Variants in GALNT13 observed in about 807,000 individuals in gnomAD.
The protein encoded by GALNT13 is polypeptide N-acetylgalactosaminyltransferase 13, also known as UDP-GalNAc:polypeptide N-acetylgalactosaminyltransferase 13.
A neutral mutation model predicts 64.2 loss-of-function variants in GALNT13; 28 were observed. The ratio of observed to expected loss-of-function variants is 0.44; its 90% confidence interval spans 0.32 to 0.60. GALNT13 has a LOEUF of 0.60. Among genes scored for constraint, GALNT13 ranks in the 20% least tolerant of loss-of-function variants. The probability of loss-of-function intolerance (pLI) is 0.05; values close to 1 mark genes in which losing one functional copy is unlikely to be tolerated. For missense variants in GALNT13, 577 were observed against 669.8 expected, an observed-to-expected ratio of 0.86 and a Z score of 1.53; for synonymous variants, 214 against 224.6, an observed-to-expected ratio of 0.95 and a Z score of 0.42.
chr2:153,955,203 A>T (rs12990205), intron 3 of GALNT13, among the ~76,000 whole-genome samples: 28,269 of 152,174 alleles, frequency 0.19, 3,378 homozygotes, highest in Non-Finnish European at 0.26. Flanking sequence ...GTGAAACACC[A>T]GTTTTTCCCC....
At chr2:153,731,898 T>C in the GALNT13 span, among the ~76,000 whole-genome samples, 1 of 151,992 alleles carries the variant, frequency 6.6e-6, no homozygotes, top group South Asian at 2.1e-4. Flanking sequence ...GTTTGTTTTA[T>C]ATAAAGTAAC....
At chr2:154,062,364 T>G (rs1700232394) in intron 3 of GALNT13, among the ~76,000 whole-genome samples, 1 of 152,214 alleles carries the variant, frequency 6.6e-6, no homozygotes, top group Admixed American at 6.5e-5. Context: ...TTCTATTTCT[T>G]TCTGAAGTCC....
At chr2:153,572,831 A>G in the GALNT13 span, among the ~76,000 whole-genome samples, 1 of 151,756 alleles carries the variant, frequency 6.6e-6, no homozygotes, top group Non-Finnish European at 1.5e-5. Flanking sequence ...CATTTTTTGA[A>G]TGATTTAAGA....
chr2:153,544,230 C>T, the GALNT13 span, among the ~76,000 whole-genome samples: 2 of 152,202 alleles, frequency 1.3e-5, no homozygotes, highest in Admixed American at 1.3e-4. Flanking sequence ...TATACGGTTG[C>T]TGCATGAGTT....
chr2:153,444,673 ATC>A, the GALNT13 span, among the ~76,000 whole-genome samples: 2 of 152,332 alleles, frequency 1.3e-5, no homozygotes, highest in East Asian at 3.9e-4. Flanking sequence ...TTTTTGGCAT[ATC>A]ATATAAATGA....
At chr2:154,181,393 T>A (rs966390084) in intron 4 of GALNT13, among the ~76,000 whole-genome samples, 1 of 152,164 alleles carries the variant, frequency 6.6e-6, no homozygotes, top group Non-Finnish European at 1.5e-5. Flanking sequence ...TTAATACTTA[T>A]GTTTATAGCA....
chr2:153,122,762 A>G, the GALNT13 span, among the ~76,000 whole-genome samples: 1 of 152,130 alleles, frequency 6.6e-6, no homozygotes, highest in Non-Finnish European at 1.5e-5. Flanking sequence ...AAAGGTTCTT[A>G]TGGGGCTGGA....
At chr2:153,755,921 A>G in the GALNT13 span, among the ~76,000 whole-genome samples, 1 of 152,136 alleles carries the variant, frequency 6.6e-6, no homozygotes, top group Non-Finnish European at 1.5e-5. Context: ...ATTCCTGATT[A>G]ATGTTTATGC....
At chr2:153,707,240 G>T in the GALNT13 span, among the ~76,000 whole-genome samples, 1 of 152,124 alleles carries the variant, frequency 6.6e-6, no homozygotes. Context: ...AATACAAAGA[G>T]CTGGATTGTA....
At chr2:153,727,853 C>G in the GALNT13 span, among the ~76,000 whole-genome samples, 1 of 151,944 alleles carries the variant, frequency 6.6e-6, no homozygotes, top group African/African-American at 2.4e-5. Flanking sequence ...AGGTTTTAAG[C>G]CCGTATGCAT....
chr2:153,933,271 C>G (rs536842501), intron 2 of GALNT13, among the ~76,000 whole-genome samples: 1 of 152,166 alleles, frequency 6.6e-6, no homozygotes, highest in African/African-American at 2.4e-5. Flanking sequence ...TTTGTAGGTT[C>G]CTAAAAAGAG....
chr2:153,566,348 G>GTTTTTTTTTTTTTTTTTTTTTT, the GALNT13 span, among the ~76,000 whole-genome samples: 144 of 74,782 alleles, frequency 1.9e-3, 19 homozygotes, highest in African/African-American at 3.6e-3. Context: ...TTCTAATCAC[G>GTTTTTTTTTTTTTTTTTTTTTT]TTTTTTTTTT....
the GALNT13 span, among the ~76,000 whole-genome samples, chr2:153,087,352 C>T: frequency 0.2 from 29,927 of 152,008 alleles, 3,296 homozygotes; most frequent in Non-Finnish European, 0.25. Flanking sequence ...GGTGGATTAT[C>T]TTTTTGATAT....
At chr2:153,435,259 C>T in the GALNT13 span, among the ~76,000 whole-genome samples, 45 of 152,208 alleles carry the variant, frequency 3.0e-4, no homozygotes, top group African/African-American at 7.9e-4. Context: ...AGTCAGGTAG[C>T]GTGATGCCTC....
intron 4 of GALNT13, among the ~76,000 whole-genome samples, chr2:154,141,796 AAT>A (rs1683275172): frequency 6.6e-6 from 1 of 152,214 alleles, no homozygotes; most frequent in Non-Finnish European, 1.5e-5. Context: ...TGCTGTTTAT[AAT>A]TAGAATGCTT....
intron 4 of GALNT13, among the ~76,000 whole-genome samples, chr2:154,154,699 C>G (rs562573638): frequency 6.6e-6 from 1 of 151,934 alleles, no homozygotes; most frequent in Non-Finnish European, 1.5e-5. Flanking sequence ...CTTAAGATAG[C>G]TTCAGGAGGG....
chr2:153,414,730 T>C, the GALNT13 span, among the ~76,000 whole-genome samples: 8 of 152,184 alleles, frequency 5.3e-5, no homozygotes, highest in African/African-American at 1.9e-4. Flanking sequence ...CTTAAAAAAA[T>C]ACTCTTATCA....
At chr2:153,366,280 A>T in the GALNT13 span, among the ~76,000 whole-genome samples, 3 of 152,144 alleles carry the variant, frequency 2.0e-5, no homozygotes, top group Non-Finnish European at 2.9e-5. Context: ...CAGGACTAAT[A>T]GCTAATGCAT....
At chr2:154,224,512 C>T (rs549420548) in intron 4 of GALNT13, among the ~76,000 whole-genome samples, 5 of 151,906 alleles carry the variant, frequency 3.3e-5, no homozygotes, top group African/African-American at 9.7e-5. Flanking sequence ...AGGGAGAATT[C>T]GTCTTGCTGG....
Sources: gnomAD v4.1 joint callset for allele counts (sites outside exome capture counted in the v4.1 genomes callset) on GRCh38, gnomAD v4.1.1 for gene constraint, MANE v1.5 for transcripts, NCBI Gene and HGNC (gene_info 2026-07-23, HGNC 2026-07-21) for gene names.